The following MYO7A variants were observed in gnomAD, a reference collection of about 807,000 sequenced individuals.
MYO7A encodes myosin VIIA.
A neutral mutation model predicts 263.8 loss-of-function variants in MYO7A; 210 were observed. The observed-to-expected ratio is 0.80, with a 90% CI of 0.71 to 0.89. The LOEUF (loss-of-function observed/expected upper bound fraction) is 0.89. Among genes scored for constraint, MYO7A ranks in the 40% least tolerant of loss-of-function variants. The pLI is 0.00. For synonymous variants in MYO7A, 1,239 were observed against 1,197.3 expected (o/e 1.03, Z -0.72); for missense variants, 2,820 against 2,968.3 (o/e 0.95, Z 1.16).
At chr11:77,205,088 T>C (rs1184121094) in intron 39 of MYO7A, among the ~76,000 whole-genome samples, 1 of 152,188 alleles carries the variant, frequency 6.6e-6, no homozygotes, top group African/African-American at 2.4e-5. Context: ...TGCGAAAATA[T>C]AAATCACACT....
At chr11:77,175,493 C>T in intron 18 of MYO7A, 29 bp downstream of exon 18, 1 of 1,603,058 alleles carries the variant, frequency 6.2e-7, no homozygotes, top group Non-Finnish European at 8.5e-7. Context: ...CCTGGGCTGC[C>T]CTGGGGGGGC....
chr11:77,202,397 TGGA>T lies in MYO7A; in HGVS notation c.5146_5148del (p.Glu1716del), dbSNP rs1555102843. 2.6e-6 allele frequency: 4 copies of T among 1,554,004 alleles called. No homozygotes were observed. Among genetic ancestry groups the T allele is most frequent in the South Asian group, 2.4e-5 (2 of 84,174 alleles). On this transcript the variant is annotated inframe_deletion, in exon 37 of 49. Coordinates refer to ENST00000409709, the MANE Select transcript of MYO7A (RefSeq NM_000260.4). Reference sequence around the variant, plus strand: ...GAGGTGCGTGCCAAGCCCTACACGCTGGAGGAGTTTTCCTATGACTACTTCAGG... The same window carrying T: ...GAGGTGCGTGCCAAGCCCTACACGCTGGAGTTTTCCTATGACTACTTCAGG...
chr11:77,158,219 C>T, intron 8 of MYO7A, 58 bp from the exon 9 acceptor site: 1 of 1,491,704 alleles, frequency 6.7e-7, no homozygotes. Context: ...CCAGGCACTG[C>T]CCCTCTGGGG....
intron 14 of MYO7A, among the ~76,000 whole-genome samples, chr11:77,165,805 C>T (rs1053354122): frequency 6.6e-6 from 1 of 152,160 alleles, no homozygotes; most frequent in African/African-American, 2.4e-5. Context: ...CTGCTTTCTC[C>T]TGGAGACTGA....
At chr11:77,159,191 A>G (rs977150134) in intron 9 of MYO7A, among the ~76,000 whole-genome samples, 1 of 152,234 alleles carries the variant, frequency 6.6e-6, no homozygotes, top group Admixed American at 6.5e-5. Flanking sequence ...GCCAGTGTCT[A>G]TTCCTCGAAT....
At chr11:77,130,972 G>A (rs571689608) in intron 2 of MYO7A, among the ~76,000 whole-genome samples, 1 of 152,370 alleles carries the variant, frequency 6.6e-6, no homozygotes, top group Admixed American at 6.5e-5. Context: ...GAGGAGGTTG[G>A]CAAGGCTCCC....
At chr11:77,177,167 G>A (rs1954716356) in intron 18 of MYO7A, among the ~76,000 whole-genome samples, 1 of 152,204 alleles carries the variant, frequency 6.6e-6, no homozygotes, top group African/African-American at 2.4e-5. Context: ...TGCTGCCAAG[G>A]TTCGGGAGAA....
intron 14 of MYO7A, 134 bp downstream of exon 14, chr11:77,163,122 A>T: frequency 1.1e-6 from 1 of 931,638 alleles, no homozygotes; most frequent in Non-Finnish European, 1.5e-6. Flanking sequence ...ATATATATGA[A>T]CTTGACTAAA....
At position 77,199,787 on chromosome 11, in the gene MYO7A, T is replaced by G. The variant is rs397516315; in HGVS notation, c.4821T>G (p.Tyr1607Ter). ...AGGGGCTCCGGAAGAGATCTAAGTA[T>G]GTTGTGGCCCTGCAGGATAACCCCA... ...FLEGLRKRSK[Y>*]VVALQDNPNP... The change falls in exon 35 of 49, where the codon TAT (tyrosine) becomes TAG (stop). Residue 1607 changes from tyrosine to a stop codon, truncating the protein, a stop_gained. Transcript: ENST00000409709. LOFTEE classifies it high-confidence loss of function. The G allele has an allele frequency of 6.2e-7, 1 of 1,605,338 alleles. No homozygotes were observed. Among genetic ancestry groups the G allele is most frequent in the Admixed American group, 1.7e-5 (1 of 59,778 alleles).
At chr11:77,187,155 A>G (rs1222940273) in intron 27 of MYO7A, among the ~76,000 whole-genome samples, 21 of 152,198 alleles carry the variant, frequency 1.4e-4, no homozygotes, top group African/African-American at 4.8e-4. Flanking sequence ...AGTAACGTTA[A>G]AGATTAGTGA....
intron 10 of MYO7A, among the ~76,000 whole-genome samples, 164 bp downstream of exon 10, chr11:77,159,687 A>G (rs1441042332): frequency 6.6e-6 from 1 of 152,168 alleles, no homozygotes; most frequent in East Asian, 1.9e-4. Flanking sequence ...TGTGCTAGGC[A>G]CAGGTCCTGA....
intron 2 of MYO7A, among the ~76,000 whole-genome samples, chr11:77,136,512 T>C (rs1950908697): frequency 6.6e-6 from 1 of 152,164 alleles, no homozygotes; most frequent in South Asian, 2.1e-4. Flanking sequence ...TTCTCTGAGT[T>C]TGCTGTTCCC....
intron 1 of MYO7A, among the ~76,000 whole-genome samples, chr11:77,129,214 G>A (rs1440255769): frequency 1.3e-5 from 2 of 152,172 alleles, no homozygotes; most frequent in African/African-American, 4.8e-5. Context: ...CACAGCCTGG[G>A]CACCATCTTC....
intron 16 of MYO7A, among the ~76,000 whole-genome samples, chr11:77,173,087 G>T (rs1222190447): frequency 3.3e-5 from 5 of 152,240 alleles, no homozygotes; most frequent in African/African-American, 7.2e-5. Context: ...CTCTGCGGGG[G>T]GTTGCAGCAG....
rs773346412 is a variant in MYO7A, at chr11:77,211,208, G to A, written c.6108G>A (p.Gln2036=). 3 of 1,592,114 alleles carry A rather than the reference G, an allele frequency of 1.9e-6. No individual in the cohort carries two copies. Among genetic ancestry groups the A allele is most frequent in the Non-Finnish European group, 2.6e-6 (3 of 1,169,702 alleles). The change falls in exon 45 of 49, where the codon CAG becomes CAA. Residue 2036 remains glutamine, a synonymous_variant. Coordinates refer to ENST00000409709, the MANE Select transcript of MYO7A (RefSeq NM_000260.4). ...AGTGCACGCGGGAGGAGGTGCTGCAGCTGGGGGCGCTGATCTACAGGGTCA... is the reference window on the plus strand; with the variant it reads ...AGTGCACGCGGGAGGAGGTGCTGCAACTGGGGGCGCTGATCTACAGGGTCA... The part of the protein sequence containing the change: ...YHKCTREEVL[Q]LGALIYRVKF...
At position 77,156,916 on chromosome 11, in the gene MYO7A, A is replaced by T; in HGVS notation, c.647A>T (p.Tyr216Phe). ...GACAACTCAAGCCGTTTCGGAAAGTACATCGACATCCACTTCAACAAGCGG... is the reference window on the plus strand; with the variant it reads ...GACAACTCAAGCCGTTTCGGAAAGTTCATCGACATCCACTTCAACAAGCGG... ...RNDNSSRFGK[Y>F]IDIHFNKRGA... Residue 216 changes from tyrosine (Y) to phenylalanine (F), a missense_variant, in exon 7 of 49, where the codon TAC (tyrosine) becomes TTC (phenylalanine). Tyr to Phe is a conservative substitution (Grantham distance 22). Coordinates refer to ENST00000409709, the MANE Select transcript of MYO7A (RefSeq NM_000260.4). The T allele has an allele frequency of 6.2e-7, 1 of 1,614,034 alleles. No individual in the cohort carries two copies. The highest frequency in any genetic ancestry group is 8.5e-7 in the Non-Finnish European group (1 of 1,179,902).
chr11:77,199,887 T>C, intron 35 of MYO7A, 69 bp downstream of exon 35: 1 of 1,389,846 alleles, frequency 7.2e-7, no homozygotes, highest in East Asian at 2.4e-5. Flanking sequence ...TCTTAGTCCA[T>C]TTGTGTTGCT....
chr11:77,170,172 C>T (rs147602616), intron 15 of MYO7A, among the ~76,000 whole-genome samples: 1 of 152,196 alleles, frequency 6.6e-6, no homozygotes, highest in African/African-American at 2.4e-5. Flanking sequence ...GGGAGGAATG[C>T]GGCGGTGGGA....
intron 15 of MYO7A, among the ~76,000 whole-genome samples, chr11:77,166,597 C>T (rs1953572702): frequency 1.3e-5 from 2 of 152,190 alleles, no homozygotes; most frequent in Non-Finnish European, 2.9e-5. Flanking sequence ...GGAGAACAGC[C>T]CCCTCCGCCT....
Sources: gnomAD v4.1 joint callset for allele counts (sites outside exome capture counted in the v4.1 genomes callset) on GRCh38, gnomAD v4.1.1 for gene constraint, MANE v1.5 for transcripts, NCBI Gene and HGNC (gene_info 2026-07-23, HGNC 2026-07-21) for gene names.